SPATA6L: variants seen among roughly 807,000 people sequenced by gnomAD.
The protein encoded by SPATA6L is spermatogenesis associated 6 like.
SPATA6L carries 68 observed loss-of-function variants against 49.2 expected under a neutral mutation model. The ratio of observed to expected loss-of-function variants is 1.38; its 90% CI spans 1.14 to 1.69. SPATA6L has a LOEUF of 1.69. SPATA6L is among the 40% of genes most tolerant of loss of function. SPATA6L has a pLI of 0.00. For synonymous variants in SPATA6L, 198 were observed against 165.7 expected, an observed-to-expected ratio of 1.19 and a Z score of -1.50; for missense variants, 668 against 464.3, an observed-to-expected ratio of 1.44 and a Z score of -4.03.
chr9:4,597,319 T>TAC (rs57570250), downstream of SPATA6L, among the ~76,000 whole-genome samples: 3,819 of 143,752 alleles, frequency 0.027, 74 homozygotes, highest in East Asian at 0.072. Context: ...GAAAACAAAA[T>TAC]ACACACACAC....
intron 2 of SPATA6L, among the ~76,000 whole-genome samples, chr9:4,658,658 T>C (rs1490385343): frequency 6.6e-6 from 1 of 152,194 alleles, no homozygotes; most frequent in Non-Finnish European, 1.5e-5. Context: ...TGTGTGCTTC[T>C]ACAGTTTTGT....
At chr9:4,659,418 T>C (rs6476885) in intron 2 of SPATA6L, among the ~76,000 whole-genome samples, 91,000 of 150,176 alleles carry the variant, frequency 0.61, 28,965 homozygotes, top group African/African-American at 0.8. Context: ...AGTGAACTCC[T>C]ATTCACAATT....
rs1830146528 is a variant in SPATA6L, at chr9:4,625,383, G to C, written c.613C>G (p.Leu205Val). The C allele has an allele frequency of 6.2e-7, 1 of 1,614,038 alleles. No individual in the cohort carries two copies. The change falls in exon 6 of 12, where the codon CTT becomes GTT. Residue 205 changes from leucine (L) to valine (V), a missense_variant. Physicochemically the swap from Leu to Val is conservative, Grantham distance 32. Coordinates refer to ENST00000682582, the MANE Select transcript of SPATA6L (RefSeq NM_001353486.2). ...CCAGAGATTTTGAAATTATTTCCAAGGTTCAACTGAGCTGGCTGGTCCTGG... is the reference window on the plus strand; with the variant it reads ...CCAGAGATTTTGAAATTATTTCCAACGTTCAACTGAGCTGGCTGGTCCTGG... ...FFQDQPAQLN[L>V]GNNFKISGGS... is the part of the protein sequence containing the mutation.
chr9:4,652,857 A>G (rs1837245357), intron 3 of SPATA6L, among the ~76,000 whole-genome samples: 1 of 151,864 alleles, frequency 6.6e-6, no homozygotes, highest in African/African-American at 2.4e-5. Flanking sequence ...AAAAAAAAAA[A>G]AAGGAAAAAG....
chr9:4,659,975 A>G (rs404484), intron 2 of SPATA6L, among the ~76,000 whole-genome samples: 92,471 of 152,178 alleles, frequency 0.61, 29,268 homozygotes, highest in African/African-American at 0.79. Context: ...CTGGCTAACC[A>G]TATGTAGAAA....
In SPATA6L at chr9:4,618,885, G is replaced by A; in HGVS notation, c.786C>T (p.Asp262=). 2 of 1,613,208 alleles carry A rather than the reference G, an allele frequency of 1.2e-6. No individual in the cohort carries two copies. Among genetic ancestry groups the A allele is most frequent in the Non-Finnish European group, 1.7e-6 (2 of 1,179,410 alleles). ...PFPTRRASSL[D]SLAANVKVIK... is the part of the protein sequence containing the mutation. ...TTACCTTTACGTTAGCTGCAAGGCT[G>A]TCAAGAGAAGAAGCTAGAAGAAAGA... is the stretch of plus-strand genomic sequence containing the variant. The change falls in exon 8 of 12, where the codon GAC becomes GAT. Residue 262 remains aspartate, a synonymous_variant. Coordinates refer to ENST00000682582, the MANE Select transcript of SPATA6L (RefSeq NM_001353486.2).
chr9:4,664,719 C>G, intron 1 of SPATA6L: 1 of 167,188 alleles, frequency 6.0e-6, no homozygotes. Flanking sequence ...GGACTTTGAT[C>G]TGCCATACGG....
chr9:4,612,410 T>C (rs1003453291), intron 9 of SPATA6L, among the ~76,000 whole-genome samples: 2 of 152,254 alleles, frequency 1.3e-5, no homozygotes, highest in Admixed American at 6.5e-5. Flanking sequence ...CTACCTTCCA[T>C]AGGCATTTGG....
At chr9:4,649,754 A>G (rs1273422583) in intron 3 of SPATA6L, among the ~76,000 whole-genome samples, 3 of 152,232 alleles carry the variant, frequency 2.0e-5, no homozygotes, top group Non-Finnish European at 4.4e-5. Flanking sequence ...TCAAGGACAA[A>G]GGAAATCATT....
intron 9 of SPATA6L, among the ~76,000 whole-genome samples, chr9:4,614,935 AT>A (rs1479535586): frequency 6.6e-6 from 1 of 152,190 alleles, no homozygotes; most frequent in Non-Finnish European, 1.5e-5. Context: ...CCTGTGACTA[AT>A]GTCACAGAGC....
intron 9 of SPATA6L, among the ~76,000 whole-genome samples, chr9:4,607,262 G>C (rs1825508666): frequency 6.6e-6 from 1 of 152,026 alleles, no homozygotes. Context: ...TAGCAAGGCA[G>C]GCCAACATTC....
chr9:4,635,047 T>A (rs1832504408), intron 4 of SPATA6L, among the ~76,000 whole-genome samples: 1 of 152,214 alleles, frequency 6.6e-6, no homozygotes, highest in Admixed American at 6.5e-5. Flanking sequence ...TATGTGACAA[T>A]GTAAATATGG....
intron 9 of SPATA6L, among the ~76,000 whole-genome samples, chr9:4,614,541 C>G (rs138644077): frequency 6.6e-6 from 1 of 152,146 alleles, no homozygotes; most frequent in Admixed American, 6.5e-5. Flanking sequence ...CTAAAGCCAA[C>G]GGGCAATGTG....
intron 9 of SPATA6L, 88 bp downstream of exon 9, chr9:4,617,835 A>G: frequency 8.7e-7 from 1 of 1,150,480 alleles, no homozygotes; most frequent in Non-Finnish European, 1.2e-6. Flanking sequence ...AATATTCCTA[A>G]GAAAGGAAGC....
chr9:4,611,125 A>G (rs1424850058), intron 9 of SPATA6L, among the ~76,000 whole-genome samples: 5 of 148,794 alleles, frequency 3.4e-5, no homozygotes, highest in Non-Finnish European at 7.4e-5. Flanking sequence ...TTAGAATGGC[A>G]ATCATTAAAA....
intron 9 of SPATA6L, among the ~76,000 whole-genome samples, chr9:4,607,109 AAATG>A (rs1271665951): frequency 6.6e-6 from 1 of 152,022 alleles, no homozygotes; most frequent in Non-Finnish European, 1.5e-5. Flanking sequence ...GAATAAAAAT[AAATG>A]AGCAAAGCCT....
At chr9:4,656,781 G>C (rs780246913) in intron 2 of SPATA6L, among the ~76,000 whole-genome samples, 1 of 152,152 alleles carries the variant, frequency 6.6e-6, no homozygotes, top group South Asian at 2.1e-4. Flanking sequence ...AGTGTTGTTT[G>C]ACTACCTAGA....
intron 7 of SPATA6L, 41 bp downstream of exon 7, chr9:4,622,367 G>A (rs761146754): frequency 1.1e-5 from 13 of 1,223,902 alleles, no homozygotes; most frequent in Non-Finnish European, 1.6e-5. Flanking sequence ...CGCATTTGTT[G>A]CCATAGGGAA....
In SPATA6L at chr9:4,655,919, G is replaced by T. The variant is rs1371785839; in HGVS notation, c.226+122C>A. ...ATGTGATTCAAATTTTACGTAGGCT[G>T]TCTTGAAATAAATATTCATCAAACA... is the stretch of plus-strand genomic sequence containing the variant. On this transcript the variant is annotated intron_variant, in intron 3 of 11. Coordinates refer to ENST00000682582, the MANE Select transcript of SPATA6L (RefSeq NM_001353486.2). 6 of 794,142 alleles carry T rather than the reference G, an allele frequency of 7.6e-6. No individual in the cohort carries two copies. In the African/African-American group the frequency reaches 8.8e-5, roughly 12 times the overall value. 49.2% of individuals were successfully genotyped at this position (794,142 alleles called of 1,614,324 possible).
Sources: gnomAD v4.1 joint callset for allele counts (sites outside exome capture counted in the v4.1 genomes callset) on GRCh38, gnomAD v4.1.1 for gene constraint, MANE v1.5 for transcripts, NCBI Gene and HGNC (gene_info 2026-07-23, HGNC 2026-07-21) for gene names.